Variants in HERC4 observed in about 807,000 individuals in gnomAD.
HERC4 encodes HECT and RLD domain containing E3 ubiquitin protein ligase 4.
In HERC4, 28 loss-of-function variants were observed where a neutral mutation model predicts 124.3. That is an observed-to-expected ratio of 0.23 (90% CI 0.17 to 0.31). The LOEUF is 0.31. Among genes scored for constraint, HERC4 ranks in the 10% least tolerant of loss-of-function variants. HERC4 has a pLI of 1.00. For missense variants in HERC4, 713 were observed against 1,229.3 expected (o/e 0.58, Z 6.28); for synonymous variants, 407 against 421.5 (o/e 0.97, Z 0.42).
chr10:68,040,096 T>C (rs903941181), intron 4 of HERC4: 1 of 923,412 alleles, frequency 1.1e-6, no homozygotes, highest in Non-Finnish European at 1.3e-6. Context: ...ACGTAATGAA[T>C]ATACTGTTAA....
chr10:68,017,190 A>G (rs2038319834), intron 8 of HERC4, among the ~76,000 whole-genome samples: 1 of 152,220 alleles, frequency 6.6e-6, no homozygotes, highest in African/African-American at 2.4e-5. Flanking sequence ...CTCCATCAGA[A>G]GAATACCCAG....
At chr10:67,955,915 T>C (rs1199690663) in intron 17 of HERC4, 2 of 152,248 alleles carry the variant, frequency 1.3e-5, no homozygotes, top group African/African-American at 2.4e-5. Flanking sequence ...TCTTTTATTA[T>C]GGTTCTCCCT....
At position 67,988,789 on chromosome 10, in the gene HERC4, T is replaced by C; in HGVS notation, c.1680A>G (p.Val560=). ...VLEPPLFLKI[V]ELFKEVVVHL... ...GTACCACAACTTCCTTAAAAAGTTC[T>C]ACTATCTTGAGGAATAGTGGAGGTT... The change falls in exon 15 of 25, where the codon GTA becomes GTG. Residue 560 remains valine (V), a synonymous_variant. Transcript: ENST00000373700. The C allele has an allele frequency of 1.2e-6, 2 of 1,607,954 alleles. No homozygotes were observed. Among genetic ancestry groups the C allele is most frequent in the Middle Eastern group, 1.7e-4 (1 of 6,046 alleles).
chr10:67,971,068 T>A (rs1029737173), intron 15 of HERC4, among the ~76,000 whole-genome samples: 1 of 152,086 alleles, frequency 6.6e-6, no homozygotes, highest in Non-Finnish European at 1.5e-5. Context: ...CATGATTACA[T>A]AGATATCTTG....
chr10:67,958,264 G>A (rs1425132296), intron 16 of HERC4, among the ~76,000 whole-genome samples: 1 of 152,028 alleles, frequency 6.6e-6, no homozygotes, highest in Non-Finnish European at 1.5e-5. Context: ...TTTTTCATGT[G>A]ACAAGGTTTA....
intron 16 of HERC4, among the ~76,000 whole-genome samples, chr10:67,963,758 G>A (rs1407512870): frequency 6.6e-6 from 1 of 152,292 alleles, no homozygotes; most frequent in South Asian, 2.1e-4. Flanking sequence ...TATATGCAAA[G>A]TCTTGGTATG....
intron 3 of HERC4, chr10:68,069,146 G>T: frequency 1.0e-6 from 1 of 970,154 alleles, no homozygotes; most frequent in Non-Finnish European, 1.2e-6. Context: ...TACACAGTAA[G>T]AAAAGGATCT....
intron 24 of HERC4, among the ~76,000 whole-genome samples, chr10:67,924,652 T>C (rs921310092): frequency 6.6e-6 from 1 of 152,188 alleles, no homozygotes; most frequent in Non-Finnish European, 1.5e-5. Context: ...AGGATATGTG[T>C]AGGTTATATG....
intron 3 of HERC4, among the ~76,000 whole-genome samples, chr10:68,059,489 T>TATAATATTATATATC (rs1453502836): frequency 1.0e-4 from 10 of 98,556 alleles, no homozygotes; most frequent in East Asian, 6.0e-4. Context: ...TATTATATAT[T>TATAATATTATATATC]ATAACATTAT....
chr10:67,980,421 C>A (rs1461342109), intron 15 of HERC4, among the ~76,000 whole-genome samples: 1 of 152,086 alleles, frequency 6.6e-6, no homozygotes, highest in South Asian at 2.1e-4. Flanking sequence ...CCATGAGCCA[C>A]CGCACCCCAC....
intron 8 of HERC4, among the ~76,000 whole-genome samples, chr10:68,025,232 G>GAAAGA (rs143956120): frequency 6.0e-5 from 9 of 150,656 alleles, no homozygotes; most frequent in East Asian, 3.9e-4. Context: ...CCCCAAAAAG[G>GAAAGA]AAAGAAAAGA....
At chr10:68,059,504 T>TATAATATTATATATCATA (rs1451754121) in intron 3 of HERC4, among the ~76,000 whole-genome samples, 24 of 107,968 alleles carry the variant, frequency 2.2e-4, no homozygotes, top group Non-Finnish European at 4.0e-4. Flanking sequence ...CATTATATAT[T>TATAATATTATATATCATA]ATAATATTAT....
chr10:68,060,160 T>C (rs674486), intron 3 of HERC4, among the ~76,000 whole-genome samples: 71,909 of 150,750 alleles, frequency 0.48, 19,141 homozygotes, highest in East Asian at 0.85. Flanking sequence ...GTACCTGGCA[T>C]ATAATGGAGG....
intron 15 of HERC4, among the ~76,000 whole-genome samples, chr10:67,977,720 G>A (rs1220275541): frequency 7.2e-5 from 11 of 151,870 alleles, no homozygotes; most frequent in Admixed American, 3.9e-4. Context: ...GGTGGCTCAC[G>A]CCTCTAATCC....
chr10:67,933,900 A>G (rs1467272073), intron 22 of HERC4, among the ~76,000 whole-genome samples: 1 of 152,298 alleles, frequency 6.6e-6, no homozygotes, highest in East Asian at 1.9e-4. Context: ...TTAAAGTTAT[A>G]AAGCATCTAA....
intron 8 of HERC4, among the ~76,000 whole-genome samples, chr10:68,014,854 T>C (rs1322167723): frequency 6.6e-6 from 1 of 152,188 alleles, no homozygotes; most frequent in African/African-American, 2.4e-5. Context: ...TATTTCATTG[T>C]GTACCCTATC....
At chr10:67,958,845 C>T (rs1589181520) in intron 16 of HERC4, among the ~76,000 whole-genome samples, 1 of 152,190 alleles carries the variant, frequency 6.6e-6, no homozygotes, top group East Asian at 1.9e-4. Context: ...TACTGGAAGA[C>T]TTGAGGAGGA....
chr10:67,965,649 G>T (rs2034818204), intron 16 of HERC4: 2 of 152,176 alleles, frequency 1.3e-5, no homozygotes, highest in Admixed American at 1.3e-4. Flanking sequence ...TACTTTTTTA[G>T]TGCTTACTAG....
chr10:67,996,063 T>C (rs1443800461), intron 9 of HERC4: 1 of 417,118 alleles, frequency 2.4e-6, no homozygotes, highest in South Asian at 1.8e-5. Context: ...CCCAGCACTT[T>C]GGGAAGCCAA....
Sources: gnomAD v4.1 joint callset for allele counts (sites outside exome capture counted in the v4.1 genomes callset) on GRCh38, gnomAD v4.1.1 for gene constraint, MANE v1.5 for transcripts, NCBI Gene and HGNC (gene_info 2026-07-23, HGNC 2026-07-21) for gene names.